Variants in PTPRK observed in about 807,000 individuals in gnomAD.
PTPRK encodes the protein protein tyrosine phosphatase receptor type K.
PTPRK carries 75 observed loss-of-function variants against 178.0 expected under a neutral mutation model. That is an observed-to-expected ratio of 0.42 (90% confidence interval 0.35 to 0.51). The LOEUF (loss-of-function observed/expected upper bound fraction) is 0.51, where lower values mean the gene tolerates loss of function less well. PTPRK is among the 20% of genes least tolerant of loss of function. The probability of loss-of-function intolerance (pLI) is 0.02; values close to 1 mark genes in which losing one functional copy is unlikely to be tolerated. For missense variants in PTPRK, 1,441 were observed against 1,797.8 expected (o/e 0.80, Z 3.59); for synonymous variants, 637 against 620.6 (o/e 1.03, Z -0.39).
chr6:128,141,096 A>C (rs1795707774), intron 7 of PTPRK, among the ~76,000 whole-genome samples: 1 of 151,976 alleles, frequency 6.6e-6, no homozygotes, highest in South Asian at 2.1e-4. Flanking sequence ...AAATTTATGC[A>C]CAGGAAGAGT....
intron 1 of PTPRK, among the ~76,000 whole-genome samples, chr6:128,460,418 T>A (rs1348112322): frequency 2.0e-5 from 3 of 152,038 alleles, no homozygotes; most frequent in African/African-American, 7.2e-5. Flanking sequence ...GATGCATGCC[T>A]GAAGTCCCAG....
intron 2 of PTPRK, among the ~76,000 whole-genome samples, chr6:128,323,689 C>T (rs1562284535): frequency 6.6e-6 from 1 of 152,134 alleles, no homozygotes; most frequent in Non-Finnish European, 1.5e-5. Context: ...TGGTAGGTAG[C>T]CTCTGGTTGA....
intron 1 of PTPRK, among the ~76,000 whole-genome samples, chr6:128,506,073 A>C (rs113057954): frequency 2.6e-5 from 4 of 152,380 alleles, no homozygotes; most frequent in African/African-American, 9.6e-5. Flanking sequence ...TGTTTAGCAT[A>C]TGTGTCAAAT....
At chr6:128,257,177 C>A (rs774807000) in intron 3 of PTPRK, among the ~76,000 whole-genome samples, 2 of 151,516 alleles carry the variant, frequency 1.3e-5, no homozygotes, top group Non-Finnish European at 2.9e-5. Context: ...TTGTGGTGAG[C>A]CCAGATCACG....
In PTPRK at chr6:128,138,862, G is replaced by A. The variant is rs528834061; in HGVS notation, c.1162+45570C>T. On this transcript the variant is annotated intron_variant, in intron 7 of 29. Coordinates refer to ENST00000368226, the MANE Select transcript of PTPRK (RefSeq NM_002844.4). ...ATGGACATGTTCTATAATCACTTGA[G>A]TGCTCTCTCTGCAGACAGCACTACT... Among the ~76,000 whole-genome samples the A allele has an allele frequency of 2.0e-5, 3 of 152,096 alleles. No individual in the cohort carries two copies. In the East Asian group the frequency reaches 5.8e-4, roughly 29 times the overall value.
chr6:127,974,533 AG>A (rs1469508801), intron 27 of PTPRK, among the ~76,000 whole-genome samples: 1 of 152,176 alleles, frequency 6.6e-6, no homozygotes, highest in East Asian at 1.9e-4. Context: ...TTAGCACTGA[AG>A]GCTGTGTGTC....
At chr6:128,041,429 T>C (rs1311849850) in intron 13 of PTPRK, among the ~76,000 whole-genome samples, 1 of 152,062 alleles carries the variant, frequency 6.6e-6, no homozygotes, top group Non-Finnish European at 1.5e-5. Context: ...TTGTCTATAA[T>C]AGGGCAATAG....
At chr6:128,100,917 A>C (rs1452934070) in intron 7 of PTPRK, among the ~76,000 whole-genome samples, 1 of 152,030 alleles carries the variant, frequency 6.6e-6, no homozygotes, top group East Asian at 1.9e-4. Flanking sequence ...ACTTTATGCA[A>C]GGTATTTAAT....
At chr6:128,074,938 G>C (rs533286942) in intron 11 of PTPRK, among the ~76,000 whole-genome samples, 2 of 152,020 alleles carry the variant, frequency 1.3e-5, no homozygotes, top group Admixed American at 6.6e-5. Flanking sequence ...TTCATAGAGA[G>C]AGCATTACTT....
chr6:128,377,653 A>G (rs1416443842), intron 2 of PTPRK, among the ~76,000 whole-genome samples: 1 of 152,124 alleles, frequency 6.6e-6, no homozygotes, highest in Non-Finnish European at 1.5e-5. Flanking sequence ...CAGCATCTTG[A>G]GAAAAGTTAA....
intron 1 of PTPRK, among the ~76,000 whole-genome samples, chr6:128,515,054 C>T (rs1857757894): frequency 6.6e-6 from 1 of 152,166 alleles, no homozygotes; most frequent in African/African-American, 2.4e-5. Context: ...GTGAAGTTTA[C>T]AAACTATTCA....
chr6:128,408,619 A>G (rs1233594364), intron 1 of PTPRK, among the ~76,000 whole-genome samples: 1 of 152,298 alleles, frequency 6.6e-6, no homozygotes, highest in Non-Finnish European at 1.5e-5. Context: ...TTGTTAATAT[A>G]CTTGCCCTAT....
chr6:128,437,169 A>G (rs1845706029), intron 1 of PTPRK, among the ~76,000 whole-genome samples: 1 of 152,214 alleles, frequency 6.6e-6, no homozygotes, highest in Non-Finnish European at 1.5e-5. Flanking sequence ...AACTAACTGT[A>G]TAAGACCCAG....
At chr6:128,423,711 C>T (rs1282839328) in intron 1 of PTPRK, among the ~76,000 whole-genome samples, 2 of 151,962 alleles carry the variant, frequency 1.3e-5, no homozygotes, top group South Asian at 2.1e-4. Context: ...GCCTGTAATC[C>T]CAGCTACACG....
intron 1 of PTPRK, among the ~76,000 whole-genome samples, chr6:128,461,058 C>T (rs1350226064): frequency 6.6e-6 from 1 of 152,036 alleles, no homozygotes; most frequent in East Asian, 1.9e-4. Context: ...TTAAAATACT[C>T]CTTTACATTC....
In PTPRK at chr6:128,451,290, T is replaced by C. The variant is rs541290117; in HGVS notation, c.101-53602A>G. Among the ~76,000 whole-genome samples, 8 of 152,264 alleles carry C rather than the reference T, an allele frequency of 5.3e-5. No homozygotes were observed. In the East Asian group the frequency reaches 1.5e-3, roughly 29 times the overall value. Reference sequence around the variant, plus strand: ...TTCCAAATCATGCATAGGTAAAAGATCCACCCAAACTACAAAAAACACCAA... The same window carrying C: ...TTCCAAATCATGCATAGGTAAAAGACCCACCCAAACTACAAAAAACACCAA... On this transcript the variant is annotated intron_variant, in intron 1 of 29. Transcript: ENST00000368226.
intron 1 of PTPRK, among the ~76,000 whole-genome samples, chr6:128,461,789 T>G (rs977062594): frequency 6.6e-6 from 1 of 152,310 alleles, no homozygotes; most frequent in Non-Finnish European, 1.5e-5. Context: ...AGGCAACCAC[T>G]TCCCATCTCT....
intron 3 of PTPRK, among the ~76,000 whole-genome samples, chr6:128,255,042 G>C (rs887736099): frequency 7.2e-5 from 11 of 152,210 alleles, no homozygotes; most frequent in African/African-American, 2.4e-4. Flanking sequence ...CCAGGCTGGA[G>C]TACAGTGACG....
intron 3 of PTPRK, among the ~76,000 whole-genome samples, chr6:128,301,936 T>C (rs1167390875): frequency 6.6e-6 from 1 of 152,204 alleles, no homozygotes; most frequent in Non-Finnish European, 1.5e-5. Flanking sequence ...TTGCCTGCTT[T>C]AGGTAGATTA....
Sources: allele counts gnomAD v4.1 joint callset (sites outside exome capture counted in the v4.1 genomes callset), GRCh38; gene constraint gnomAD v4.1.1; transcripts MANE v1.5; gene names NCBI Gene and HGNC (gene_info 2026-07-23, HGNC 2026-07-21).